Variants in FARS2 observed in about 807,000 individuals in gnomAD.
FARS2 encodes the protein phenylalanine--tRNA ligase, mitochondrial.
FARS2 carries 40 observed loss-of-function variants against 46.4 expected under a neutral mutation model. The observed-to-expected ratio is 0.86, with a 90% CI of 0.67 to 1.12. The LOEUF (loss-of-function observed/expected upper bound fraction) is 1.12. Ranked by LOEUF, FARS2 falls within the 50% of genes most tolerant of loss-of-function variation. The probability of loss-of-function intolerance (pLI) is 0.00; values close to 1 mark genes in which losing one functional copy is unlikely to be tolerated. For missense variants in FARS2, 513 were observed against 567.9 expected (o/e 0.90, Z 0.98); for synonymous variants, 234 against 214.9 (o/e 1.09, Z -0.78).
intron 6 of FARS2, among the ~76,000 whole-genome samples, chr6:5,635,768 A>G (rs975893662): frequency 3.3e-5 from 5 of 152,104 alleles, no homozygotes; most frequent in Admixed American, 2.6e-4. Context: ...AGCCCACCCC[A>G]TGGAGTCTAC....
At chr6:5,724,350 G>A (rs1760116034) in intron 6 of FARS2, among the ~76,000 whole-genome samples, 1 of 152,158 alleles carries the variant, frequency 6.6e-6, no homozygotes, top group African/African-American at 2.4e-5. Flanking sequence ...AAATGACAGG[G>A]GACTCCGTTG....
chr6:5,515,470 C>T (rs1768729017), intron 4 of FARS2, among the ~76,000 whole-genome samples: 1 of 152,018 alleles, frequency 6.6e-6, no homozygotes, highest in Admixed American at 6.6e-5. Flanking sequence ...CCTCTGTCAC[C>T]CAGGCTGGAG....
At chr6:5,710,329 C>T (rs1005878368) in intron 6 of FARS2, among the ~76,000 whole-genome samples, 2 of 152,226 alleles carry the variant, frequency 1.3e-5, no homozygotes, top group Non-Finnish European at 2.9e-5. Context: ...AAGTCAGTCT[C>T]ATTGCTAAAT....
intron 5 of FARS2, 125 bp downstream of exon 5, chr6:5,545,465 A>T (rs1281191127): frequency 1.4e-6 from 1 of 729,660 alleles, no homozygotes; most frequent in Non-Finnish European, 2.1e-6. Flanking sequence ...ATTTTACTTT[A>T]AGTTCTGGGA....
intron 6 of FARS2, among the ~76,000 whole-genome samples, chr6:5,659,424 A>G (rs1777747686): frequency 6.6e-6 from 1 of 152,160 alleles, no homozygotes; most frequent in South Asian, 2.1e-4. Context: ...CCCTTGAGGA[A>G]CTCACAGTAC....
At chr6:5,584,285 G>A (rs1026555467) in intron 5 of FARS2, among the ~76,000 whole-genome samples, 1 of 152,114 alleles carries the variant, frequency 6.6e-6, no homozygotes, top group African/African-American at 2.4e-5. Flanking sequence ...TTCATCAAAT[G>A]TGTATGATTA....
rs1757050789 is a variant in FARS2 at position 5,343,783 on chromosome 6, A to G, written c.-21-24767A>G. Among the ~76,000 whole-genome samples the G allele has an allele frequency of 6.6e-6, 1 of 152,202 alleles. No homozygotes were observed. The highest frequency in any genetic ancestry group is 1.5e-5 in the Non-Finnish European group (1 of 68,036). ...CTTTGTCTTGGTAGCTGTCTACTGTACTAATATTCATGCCTCTCTGCCCAA... is the reference window on the plus strand; with the variant it reads ...CTTTGTCTTGGTAGCTGTCTACTGTGCTAATATTCATGCCTCTCTGCCCAA... On this transcript the variant is annotated intron_variant, in intron 1 of 6. Transcript: ENST00000274680. The surrounding 1 kb of genome is among the most constrained non-coding windows in gnomAD (Gnocchi z 4.5).
chr6:5,595,533 C>G (rs187739598), intron 5 of FARS2, among the ~76,000 whole-genome samples: 48 of 152,242 alleles, frequency 3.2e-4, no homozygotes, highest in African/African-American at 1.2e-3. Flanking sequence ...TTCCACTGTG[C>G]GCCAGGCACT....
chr6:5,392,893 A>ATATATTATATATATGTATATATACATATG (rs1562007443), intron 2 of FARS2, among the ~76,000 whole-genome samples: 29 of 139,088 alleles, frequency 2.1e-4, no homozygotes, highest in African/African-American at 4.5e-4. Flanking sequence ...ATATACATAT[A>ATATATTATATATATGTATATATACATATG]TGTGTGTATA....
intron 4 of FARS2, among the ~76,000 whole-genome samples, chr6:5,503,192 A>G (rs1767901542): frequency 6.7e-6 from 1 of 148,366 alleles, no homozygotes; most frequent in African/African-American, 2.4e-5. Flanking sequence ...TTAATAAAAT[A>G]TATAAAAATA....
chr6:5,750,653 G>A (rs1273030628), intron 6 of FARS2, among the ~76,000 whole-genome samples: 3 of 152,112 alleles, frequency 2.0e-5, no homozygotes, highest in Non-Finnish European at 4.4e-5. Context: ...AATGCAGCTC[G>A]CCATGGTAGG....
At chr6:5,435,395 A>G (rs962925737) in intron 4 of FARS2, among the ~76,000 whole-genome samples, 1 of 152,248 alleles carries the variant, frequency 6.6e-6, no homozygotes, top group Non-Finnish European at 1.5e-5. Flanking sequence ...GTCAGTGAAG[A>G]CATTTTATTA....
chr6:5,269,127 G>T (rs1765762335), intron 1 of FARS2, among the ~76,000 whole-genome samples: 1 of 152,154 alleles, frequency 6.6e-6, no homozygotes, highest in African/African-American at 2.4e-5. Flanking sequence ...AGAAAATGTG[G>T]CACATATACA....
intron 3 of FARS2, among the ~76,000 whole-genome samples, chr6:5,411,281 T>TAAAACAAAAC (rs146746037): frequency 6.2e-4 from 94 of 151,886 alleles, no homozygotes; most frequent in Admixed American, 1.3e-3. Context: ...CCTGTCTCTT[T>TAAAACAAAAC]AAAACAAAAC....
At chr6:5,386,907 A>G (rs1760169526) in intron 2 of FARS2, among the ~76,000 whole-genome samples, 1 of 152,188 alleles carries the variant, frequency 6.6e-6, no homozygotes, top group Non-Finnish European at 1.5e-5. Context: ...CTATGGGCAT[A>G]TGATGATAGT....
chr6:5,596,239 CAGG>C lies in FARS2; in HGVS notation c.1066-16927_1066-16925del, dbSNP rs202123456. On this transcript the variant is annotated intron_variant, in intron 5 of 6. Coordinates refer to ENST00000274680, the MANE Select transcript of FARS2 (RefSeq NM_006567.5). ...TGGTGTGCTGTGATTGATGGCTGAACAGGAGATTTGGGAGTCACACGCACCTCT... is the reference window on the plus strand; with the variant it reads ...TGGTGTGCTGTGATTGATGGCTGAACAGATTTGGGAGTCACACGCACCTCT... 3.4e-4 allele frequency among the ~76,000 whole-genome samples: 51 copies of C among 152,238 alleles called. No homozygotes were observed. The East Asian group carries it at 9.6e-3, about 29-fold the overall frequency.
At chr6:5,272,731 G>T (rs554141148) in intron 1 of FARS2, among the ~76,000 whole-genome samples, 5 of 152,036 alleles carry the variant, frequency 3.3e-5, no homozygotes, top group African/African-American at 1.2e-4. Context: ...TAGTCTCCCG[G>T]TGATCCATCA....
chr6:5,726,498 G>T (rs56274944), intron 6 of FARS2, among the ~76,000 whole-genome samples: 1 of 152,172 alleles, frequency 6.6e-6, no homozygotes, highest in Non-Finnish European at 1.5e-5. Flanking sequence ...AGCCAGGGCC[G>T]TAAAGAAACA....
chr6:5,537,025 T>A (rs1770245762), intron 4 of FARS2, among the ~76,000 whole-genome samples: 2 of 152,206 alleles, frequency 1.3e-5, no homozygotes, highest in Non-Finnish European at 2.9e-5. Context: ...GAAAGTATAA[T>A]GGTATAAAGG....
Sources: allele counts gnomAD v4.1 joint callset (sites outside exome capture counted in the v4.1 genomes callset), GRCh38; gene constraint gnomAD v4.1.1; non-coding constraint Gnocchi (gnomAD v3.1); transcripts MANE v1.5; gene names NCBI Gene and HGNC (gene_info 2026-07-23, HGNC 2026-07-21).